SLCO6A1: variants seen among roughly 807,000 people sequenced by gnomAD.
SLCO6A1 encodes the protein cancer/testis antigen 48.
A neutral mutation model predicts 72.7 loss-of-function variants in SLCO6A1; 65 were observed. The ratio of observed to expected loss-of-function variants is 0.89; its 90% CI spans 0.73 to 1.10. The LOEUF is 1.10. Among genes scored for constraint, SLCO6A1 ranks in the 50% least tolerant of loss-of-function variants. SLCO6A1 has a pLI of 0.00. For synonymous variants in SLCO6A1, 314 were observed against 298.2 expected, an observed-to-expected ratio of 1.05 and a Z score of -0.55; for missense variants, 874 against 872.6, an observed-to-expected ratio of 1.00 and a Z score of -0.02.
At chr5:102,393,370 C>T (rs1019026683) in intron 10 of SLCO6A1, among the ~76,000 whole-genome samples, 4 of 152,120 alleles carry the variant, frequency 2.6e-5, no homozygotes, top group African/African-American at 9.7e-5. Context: ...GCCCCCATCA[C>T]CCTCCATGCT....
chr5:102,392,189 A>C (rs374315053), intron 10 of SLCO6A1, among the ~76,000 whole-genome samples: 48 of 152,176 alleles, frequency 3.2e-4, no homozygotes, highest in Non-Finnish European at 5.3e-4. Flanking sequence ...AATTCTACCC[A>C]TATCAACCTG....
chr5:102,381,393 A>C (rs1746097469), intron 12 of SLCO6A1, among the ~76,000 whole-genome samples: 1 of 151,794 alleles, frequency 6.6e-6, no homozygotes, highest in South Asian at 2.1e-4. Flanking sequence ...ATTGTTGCAA[A>C]AGACAGAATT....
intron 9 of SLCO6A1, among the ~76,000 whole-genome samples, chr5:102,408,928 T>C (rs991371629): frequency 6.6e-6 from 1 of 152,156 alleles, no homozygotes; most frequent in African/African-American, 2.4e-5. Flanking sequence ...TTGGATGTGA[T>C]TTACTTTCCT....
At chr5:102,391,134 T>A in intron 10 of SLCO6A1, 89 bp from the exon 11 acceptor site, 1 of 1,276,258 alleles carries the variant, frequency 7.8e-7, no homozygotes, top group South Asian at 1.2e-5. Flanking sequence ...CATTTTTTTT[T>A]TCTGGTGCAT....
At chr5:102,428,896 C>G (rs1317214650) in intron 7 of SLCO6A1, among the ~76,000 whole-genome samples, 1 of 152,198 alleles carries the variant, frequency 6.6e-6, no homozygotes, top group Admixed American at 6.5e-5. Context: ...AATGGCTGAA[C>G]TAATTTACAC....
chr5:102,380,617 A>C (rs915098010), intron 12 of SLCO6A1, among the ~76,000 whole-genome samples: 7 of 152,038 alleles, frequency 4.6e-5, no homozygotes, highest in Non-Finnish European at 7.4e-5. Flanking sequence ...AGTGCTAGGC[A>C]TAAAACCTTT....
chr5:102,390,085 G>A (rs1349182146), intron 11 of SLCO6A1, among the ~76,000 whole-genome samples: 1 of 152,026 alleles, frequency 6.6e-6, no homozygotes. Flanking sequence ...TCTATCATAT[G>A]CTTAAAATTA....
intron 9 of SLCO6A1, among the ~76,000 whole-genome samples, chr5:102,409,332 T>C (rs1032760825): frequency 2.6e-5 from 4 of 152,176 alleles, no homozygotes; most frequent in African/African-American, 9.6e-5. Flanking sequence ...TTGGCCCTGA[T>C]CATATTTTGA....
intron 4 of SLCO6A1, among the ~76,000 whole-genome samples, chr5:102,470,710 G>A (rs1751565930): frequency 6.6e-6 from 1 of 151,932 alleles, no homozygotes; most frequent in Non-Finnish European, 1.5e-5. Flanking sequence ...CTGAAAGCTG[G>A]ACTGTAGAGA....
At chr5:102,430,911 A>C (rs1019167317) in intron 7 of SLCO6A1, among the ~76,000 whole-genome samples, 12 of 152,070 alleles carry the variant, frequency 7.9e-5, no homozygotes, top group African/African-American at 2.9e-4. Context: ...TTGACTGTGA[A>C]TCCATCTAAT....
chr5:102,457,191 G>A (rs1307832027), intron 6 of SLCO6A1, among the ~76,000 whole-genome samples: 1 of 152,136 alleles, frequency 6.6e-6, no homozygotes, highest in African/African-American at 2.4e-5. Flanking sequence ...CATAGGCATG[G>A]GCAAGGACTT....
chr5:102,391,098 G>T, intron 10 of SLCO6A1, 53 bp from the exon 11 acceptor site: 2 of 1,470,054 alleles, frequency 1.4e-6, no homozygotes, highest in Non-Finnish European at 1.9e-6. Context: ...TTAGCACTAA[G>T]AATGTATGCT....
At chr5:102,490,359 ATATG>A (rs1049492274) in intron 1 of SLCO6A1, among the ~76,000 whole-genome samples, 3 of 152,230 alleles carry the variant, frequency 2.0e-5, no homozygotes, top group African/African-American at 7.2e-5. Flanking sequence ...ATTTTATCCC[ATATG>A]TATGTACAAT....
At chr5:102,474,551 C>T (rs945182411) in intron 4 of SLCO6A1, among the ~76,000 whole-genome samples, 3 of 151,970 alleles carry the variant, frequency 2.0e-5, no homozygotes, top group Non-Finnish European at 4.4e-5. Flanking sequence ...AAAGCCCAGG[C>T]AGCAAACCAA....
chr5:102,459,920 G>C (rs1750938234), intron 4 of SLCO6A1, 143 bp from the exon 5 acceptor site: 1 of 615,186 alleles, frequency 1.6e-6, no homozygotes, highest in African/African-American at 1.9e-5. Flanking sequence ...TTGTTAATTT[G>C]TTACTATTGT....
At chr5:102,402,662 G>A (rs538679890) in intron 9 of SLCO6A1, among the ~76,000 whole-genome samples, 1 of 152,240 alleles carries the variant, frequency 6.6e-6, no homozygotes, top group East Asian at 1.9e-4. Context: ...GGGCCAAACT[G>A]TTTTTATAGC....
At chr5:102,411,081 G>A (rs541591449) in intron 9 of SLCO6A1, among the ~76,000 whole-genome samples, 3 of 152,214 alleles carry the variant, frequency 2.0e-5, no homozygotes, top group African/African-American at 4.8e-5. Context: ...ATTGGGTGCC[G>A]CTGTTAAGTA....
At chr5:102,449,251 G>C (rs1750280040) in intron 6 of SLCO6A1, among the ~76,000 whole-genome samples, 1 of 152,038 alleles carries the variant, frequency 6.6e-6, no homozygotes, top group Non-Finnish European at 1.5e-5. Flanking sequence ...TGATGGGGTT[G>C]ACTTTGTAGG....
intron 9 of SLCO6A1, among the ~76,000 whole-genome samples, chr5:102,409,547 G>A (rs970852481): frequency 6.6e-5 from 10 of 151,682 alleles, no homozygotes; most frequent in African/African-American, 2.4e-4. Flanking sequence ...TCCATTAATC[G>A]TTTCCATCCA....
Sources: allele counts gnomAD v4.1 joint callset (sites outside exome capture counted in the v4.1 genomes callset), GRCh38; gene constraint gnomAD v4.1.1; transcripts MANE v1.5; gene names NCBI Gene and HGNC (gene_info 2026-07-23, HGNC 2026-07-21).